RAD51B: variants seen among roughly 807,000 people sequenced by gnomAD.
RAD51B encodes the protein DNA repair protein RAD51 homolog 2.
In RAD51B, 38 loss-of-function variants were observed where a neutral mutation model predicts 42.2. The observed-to-expected ratio is 0.90, with a 90% CI of 0.70 to 1.18. The LOEUF is 1.18. RAD51B is among the 50% of genes most tolerant of loss of function. RAD51B has a pLI of 0.00. For synonymous variants in RAD51B, 154 were observed against 145.2 expected, an observed-to-expected ratio of 1.06 and a Z score of -0.43; for missense variants, 373 against 400.7, an observed-to-expected ratio of 0.93 and a Z score of 0.59.
chr14:67,963,877 G>A (rs575160160), intron 7 of RAD51B, among the ~76,000 whole-genome samples: 2 of 150,762 alleles, frequency 1.3e-5, no homozygotes, highest in South Asian at 2.1e-4. Context: ...AAAAAAAATC[G>A]GTAACAGACA....
intron 10 of RAD51B, chr14:68,497,694 C>T (rs1011400850): frequency 1.3e-5 from 4 of 309,634 alleles, no homozygotes; most frequent in African/African-American, 8.6e-5. Context: ...ATTTCCCCCT[C>T]CTCCCAGCTC....
intron 10 of RAD51B, among the ~76,000 whole-genome samples, chr14:68,603,842 G>A (rs918675857): frequency 3.9e-5 from 6 of 152,228 alleles, no homozygotes; most frequent in African/African-American, 1.2e-4. Context: ...CCCCCTGTCC[G>A]CATGCTGTCA....
chr14:68,371,496 G>A (rs977923519), intron 8 of RAD51B, among the ~76,000 whole-genome samples: 4 of 151,742 alleles, frequency 2.6e-5, no homozygotes, highest in East Asian at 1.9e-4. Context: ...TCAGCCTGGC[G>A]ACACAATGAG....
chr14:67,852,543 G>A (rs1362231571), intron 4 of RAD51B, among the ~76,000 whole-genome samples: 1 of 152,196 alleles, frequency 6.6e-6, no homozygotes, highest in African/African-American at 2.4e-5. Flanking sequence ...ACTTTCTGCA[G>A]AGTATGTGAT....
intron 10 of RAD51B, among the ~76,000 whole-genome samples, chr14:68,578,152 G>A (rs550274078): frequency 2.4e-4 from 36 of 152,238 alleles, no homozygotes; most frequent in Non-Finnish European, 4.4e-4. Flanking sequence ...ATGGCTGGGC[G>A]CGGTGGCTCA....
At chr14:68,067,931 C>CAAAA (rs913150528) in intron 7 of RAD51B, among the ~76,000 whole-genome samples, 12 of 24,690 alleles carry the variant, frequency 4.9e-4, no homozygotes, top group East Asian at 1.6e-3. Context: ...GACTCCATCT[C>CAAAA]AAAAAAAAAA....
chr14:68,163,616 C>T (rs546584499), intron 7 of RAD51B, among the ~76,000 whole-genome samples: 3 of 152,160 alleles, frequency 2.0e-5, no homozygotes, highest in African/African-American at 7.2e-5. Context: ...TTGGCTATAA[C>T]GCCTGCCTTC....
intron 7 of RAD51B, among the ~76,000 whole-genome samples, chr14:67,914,732 T>C (rs2044094031): frequency 6.6e-6 from 1 of 152,352 alleles, no homozygotes; most frequent in Admixed American, 6.5e-5. Context: ...TACCTCCTTG[T>C]CAGAGTTTAT....
At chr14:67,889,365 T>C (rs1318442399) in intron 7 of RAD51B, among the ~76,000 whole-genome samples, 1 of 151,206 alleles carries the variant, frequency 6.6e-6, no homozygotes, top group Non-Finnish European at 1.5e-5. Flanking sequence ...TACACATTTA[T>C]ACTGTACTTT....
intron 10 of RAD51B, among the ~76,000 whole-genome samples, chr14:68,552,516 A>G (rs566815779): frequency 6.6e-6 from 1 of 152,230 alleles, no homozygotes; most frequent in Non-Finnish European, 1.5e-5. Flanking sequence ...GGTGGCACAC[A>G]GTAGGGCCTC....
At chr14:67,867,810 A>G (rs1275902101) in intron 5 of RAD51B, among the ~76,000 whole-genome samples, 2 of 152,150 alleles carry the variant, frequency 1.3e-5, no homozygotes, top group Non-Finnish European at 2.9e-5. Flanking sequence ...CGCAAAAAGG[A>G]CTATGTTGTA....
intron 7 of RAD51B, among the ~76,000 whole-genome samples, chr14:68,217,977 A>G (rs2079850010): frequency 6.6e-6 from 1 of 152,222 alleles, no homozygotes; most frequent in African/African-American, 2.4e-5. Flanking sequence ...ACTATTCCTT[A>G]TCTGTAAGTA....
At chr14:68,242,417 C>A (rs1472889148) in intron 7 of RAD51B, among the ~76,000 whole-genome samples, 1 of 152,108 alleles carries the variant, frequency 6.6e-6, no homozygotes, top group Non-Finnish European at 1.5e-5. Flanking sequence ...GTTGTAGACC[C>A]CCTGAAGGTA....
In RAD51B at chr14:67,890,048, G is replaced by T. The variant is rs1036608495; in HGVS notation, c.756+2844G>T. On this transcript the variant is annotated intron_variant, in intron 7 of 10. Coordinates refer to ENST00000471583, the MANE Select transcript of RAD51B (RefSeq NM_133510.4). The stretch of plus-strand genomic sequence containing the variant: ...TAGTATTGAAAAAACAGTAGGCTCT[G>T]AAGCTGTTTAGAGATACTGGATAAA... 1.4e-4 allele frequency among the ~76,000 whole-genome samples: 22 copies of T among 152,270 alleles called. No homozygotes were observed. The East Asian group carries it at 4.2e-3, about 29-fold the overall frequency.
At chr14:67,925,666 A>T (rs1258213625) in intron 7 of RAD51B, among the ~76,000 whole-genome samples, 1 of 151,846 alleles carries the variant, frequency 6.6e-6, no homozygotes. Context: ...GGGGGCTCTG[A>T]CTCCACATTT....
At chr14:68,327,382 GTTTTTT>G (rs35609139) in intron 8 of RAD51B, among the ~76,000 whole-genome samples, 1 of 142,562 alleles carries the variant, frequency 7.0e-6, no homozygotes, top group African/African-American at 2.6e-5. Flanking sequence ...TTTTTTTGTT[GTTTTTT>G]TTTTTTTAAC....
intron 7 of RAD51B, among the ~76,000 whole-genome samples, chr14:68,125,908 C>T (rs572132175): frequency 5.9e-5 from 9 of 152,154 alleles, no homozygotes; most frequent in Non-Finnish European, 1.0e-4. Context: ...AAAGCACCAA[C>T]GTCCCATAGG....
chr14:68,357,313 C>T (rs1304445622), intron 8 of RAD51B, among the ~76,000 whole-genome samples: 2 of 152,198 alleles, frequency 1.3e-5, no homozygotes, highest in Non-Finnish European at 1.5e-5. Context: ...GTCACATATT[C>T]GGGCTCCATT....
intron 7 of RAD51B, among the ~76,000 whole-genome samples, chr14:68,240,503 A>G (rs559245495): frequency 1.3e-5 from 2 of 152,256 alleles, no homozygotes; most frequent in South Asian, 2.1e-4. Flanking sequence ...AGAAAAGCCA[A>G]CTGAAGTTTC....
Sources: gnomAD v4.1 joint callset for allele counts (sites outside exome capture counted in the v4.1 genomes callset) on GRCh38, gnomAD v4.1.1 for gene constraint, MANE v1.5 for transcripts, NCBI Gene and HGNC (gene_info 2026-07-23, HGNC 2026-07-21) for gene names.